The following PTGIS variants were observed in gnomAD, a reference collection of about 807,000 sequenced individuals.
PTGIS encodes the protein prostaglandin I2 synthase.
In PTGIS, 45 loss-of-function variants were observed where a neutral mutation model predicts 50.3. The ratio of observed to expected loss-of-function variants is 0.90; its 90% CI spans 0.70 to 1.15. PTGIS has a LOEUF of 1.15. PTGIS is among the 50% of genes most tolerant of loss of function. The pLI, the probability that PTGIS is intolerant of heterozygous loss-of-function variation, is 0.00. For missense variants in PTGIS, 668 were observed against 661.3 expected (o/e 1.01, Z -0.11); for synonymous variants, 260 against 267.7 (o/e 0.97, Z 0.28).
chr20:49,521,263 C>G (rs1981645072), intron 6 of PTGIS, among the ~76,000 whole-genome samples: 1 of 152,172 alleles, frequency 6.6e-6, no homozygotes, highest in South Asian at 2.1e-4. Flanking sequence ...ACTGACTTGC[C>G]AGGAAGTGTC....
At chr20:49,534,544 T>C (rs1982024074) in intron 5 of PTGIS, among the ~76,000 whole-genome samples, 1 of 152,236 alleles carries the variant, frequency 6.6e-6, no homozygotes, top group East Asian at 1.9e-4. Context: ...GAGGAAATGG[T>C]AATGGAGAAA....
In PTGIS at chr20:49,506,379, T is replaced by C. The variant is rs572402290; in HGVS notation, c.*1541A>G. 6.6e-6 allele frequency: 1 copy of C among 152,352 alleles called. No individual in the cohort carries two copies. Among genetic ancestry groups the C allele is most frequent in the East Asian group, 1.9e-4 (1 of 5,190 alleles). The allele number at this position is 152,352 out of a possible 1,614,324, so 9.4% of individuals were successfully genotyped here. A position where few individuals can be genotyped will look rare whatever the true frequency, so the allele number is the denominator to read the frequency against. On this transcript the variant is annotated 3_prime_UTR_variant, in exon 10 of 10. Transcript: ENST00000244043. ...CTCTTTAAGCTGTTTTTTATTTTAA[T>C]TAATTATTTATTTATTGAGACAGAG...
At chr20:49,551,502 A>AC (rs1982505728) in intron 1 of PTGIS, among the ~76,000 whole-genome samples, 1 of 151,964 alleles carries the variant, frequency 6.6e-6, no homozygotes, top group Non-Finnish European at 1.5e-5. Context: ...ACCTGGAAGC[A>AC]CCCCCCACAT....
chr20:49,557,249 C>T (rs1314989243), intron 1 of PTGIS, among the ~76,000 whole-genome samples: 2 of 152,022 alleles, frequency 1.3e-5, no homozygotes, highest in Non-Finnish European at 2.9e-5. Flanking sequence ...AACCTGAGAC[C>T]GGAGATTCAT....
At chr20:49,534,959 T>C (rs1263886831) in intron 5 of PTGIS, among the ~76,000 whole-genome samples, 1 of 151,502 alleles carries the variant, frequency 6.6e-6, no homozygotes, top group African/African-American at 2.4e-5. Flanking sequence ...TGAGCCGAGG[T>C]CTCGCTACTG....
intron 5 of PTGIS, among the ~76,000 whole-genome samples, chr20:49,527,801 A>G (rs951473808): frequency 1.3e-5 from 2 of 152,218 alleles, no homozygotes; most frequent in Non-Finnish European, 2.9e-5. Flanking sequence ...TATGAAGGTC[A>G]TTTGGCAAAA....
chr20:49,518,028 C>T (rs1258110296), intron 6 of PTGIS, among the ~76,000 whole-genome samples: 1 of 152,206 alleles, frequency 6.6e-6, no homozygotes, highest in East Asian at 1.9e-4. Flanking sequence ...AAGGGAAGCC[C>T]TCCTCCATGG....
chr20:49,510,686 A>G (rs925102612), intron 9 of PTGIS, among the ~76,000 whole-genome samples: 2 of 152,192 alleles, frequency 1.3e-5, no homozygotes, highest in African/African-American at 4.8e-5. Context: ...AGTTCCTAAC[A>G]TGAAGTTCTG....
chr20:49,554,351 T>C (rs1292220791), intron 1 of PTGIS, among the ~76,000 whole-genome samples: 1 of 152,228 alleles, frequency 6.6e-6, no homozygotes, highest in Non-Finnish European at 1.5e-5. Context: ...TAAATTGTTC[T>C]GTGTTTTGAT....
intron 9 of PTGIS, among the ~76,000 whole-genome samples, chr20:49,508,480 G>C (rs1251454561): frequency 6.6e-6 from 1 of 152,206 alleles, no homozygotes; most frequent in African/African-American, 2.4e-5. Flanking sequence ...TACCGTGTGA[G>C]TGGAACTACA....
At chr20:49,516,794 A>G (rs566420846) in intron 6 of PTGIS, among the ~76,000 whole-genome samples, 172 of 152,308 alleles carry the variant, frequency 1.1e-3, no homozygotes, top group African/African-American at 3.7e-3. Flanking sequence ...GTCACTACCC[A>G]CTGCCCAGCA....
intron 1 of PTGIS, among the ~76,000 whole-genome samples, chr20:49,558,657 C>A (rs1453185033): frequency 5.3e-5 from 8 of 151,818 alleles, no homozygotes; most frequent in Non-Finnish European, 1.2e-4. Context: ...TGAATAGGAG[C>A]TGGGTAAAAT....
At position 49,540,856 on chromosome 20, in the gene PTGIS, C is replaced by T. The variant is rs535048274; in HGVS notation, c.522-1135G>A. 1.3e-5 allele frequency among the ~76,000 whole-genome samples: 2 copies of T among 152,294 alleles called. No homozygotes were observed. The highest frequency in any genetic ancestry group is 2.4e-5 in the African/African-American group (1 of 41,558). On this transcript the variant is annotated intron_variant, in intron 4 of 9. Coordinates refer to ENST00000244043, the MANE Select transcript of PTGIS (RefSeq NM_000961.4). The surrounding 1 kb of genome is among the most constrained non-coding windows in gnomAD (Gnocchi z 4.8). ...CAACAAAGAGACGCAACCAAAGCCC[C>T]GGGGCCTCACCCTCTCACCCTCCCC...
In PTGIS at chr20:49,539,308, A is replaced by AAC. The variant is rs762363571; in HGVS notation, c.673+260_673+261dup. 9.4e-4 allele frequency among the ~76,000 whole-genome samples: 143 copies of AAC among 151,930 alleles called. 1 individual carries two copies. The highest frequency in any genetic ancestry group is 2.4e-3 in the African/African-American group (99 of 41,490). ...ACTCAAACCTTAAAACACAAAAAGGAACACACACACACACAGAGATTCTCC... is the reference window on the plus strand; with the variant it reads ...ACTCAAACCTTAAAACACAAAAAGGAACACACACACACACACAGAGATTCTCC... On this transcript the variant is annotated intron_variant, in intron 5 of 9. Coordinates refer to ENST00000244043, the MANE Select transcript of PTGIS (RefSeq NM_000961.4).
Position 49,538,093 on chromosome 20 carries a change from A to G in PTGIS, c.673+1477T>C, listed in dbSNP as rs372912254. Among the ~76,000 whole-genome samples the G allele has an allele frequency of 2.8e-3, 419 of 151,646 alleles. 3 individuals carry two copies. Among genetic ancestry groups the G allele is most frequent in the African/African-American group, 9.7e-3 (399 of 41,262 alleles). On this transcript the variant is annotated intron_variant, in intron 5 of 9. Coordinates refer to ENST00000244043, the MANE Select transcript of PTGIS (RefSeq NM_000961.4). ...ACATAGTGAAACCTCATCTCTACAA[A>G]AAAATTTAAAAATTAGCCAAGCCTA...
At position 49,521,232 on chromosome 20, in the gene PTGIS, G is replaced by A. The variant is rs759840386; in HGVS notation, c.855+2826C>T. On this transcript the variant is annotated intron_variant, in intron 6 of 9. Transcript: ENST00000244043. ...TCTCCATTTTACAGATGAGTAAACC[G>A]AGGTGCTCAGAGGTTAAGTGACTGA... 3.5e-4 allele frequency among the ~76,000 whole-genome samples: 53 copies of A among 152,146 alleles called. 1 individual carries two copies. The highest frequency in any genetic ancestry group is 1.3e-4 in the Non-Finnish European group (9 of 68,036).
At chr20:49,557,867 G>A (rs558507791) in intron 1 of PTGIS, among the ~76,000 whole-genome samples, 1 of 152,054 alleles carries the variant, frequency 6.6e-6, no homozygotes, top group East Asian at 1.9e-4. Context: ...TGTGACATGG[G>A]GATTACCATA....
At chr20:49,566,256 G>A (rs1187410263) in intron 1 of PTGIS, among the ~76,000 whole-genome samples, 1 of 152,036 alleles carries the variant, frequency 6.6e-6, no homozygotes, top group Non-Finnish European at 1.5e-5. Context: ...CAAAAAAAGA[G>A]CCCATAACGT....
chr20:49,525,523 A>G (rs774722955), intron 5 of PTGIS, among the ~76,000 whole-genome samples: 1 of 152,104 alleles, frequency 6.6e-6, no homozygotes, highest in Non-Finnish European at 1.5e-5. Flanking sequence ...CAGACTGGTA[A>G]GGGGATAAAG....
Sources: allele counts gnomAD v4.1 joint callset (sites outside exome capture counted in the v4.1 genomes callset), GRCh38; gene constraint gnomAD v4.1.1; non-coding constraint Gnocchi (gnomAD v3.1); transcripts MANE v1.5; gene names NCBI Gene and HGNC (gene_info 2026-07-23, HGNC 2026-07-21).